The following TAOK2 variants were observed in gnomAD, a reference collection of about 807,000 sequenced individuals.
TAOK2 encodes the protein TAO kinase 2.
In TAOK2, 42 loss-of-function variants were observed where a neutral mutation model predicts 122.5. That is an observed-to-expected ratio of 0.34 (90% CI 0.27 to 0.44). The LOEUF is 0.44. TAOK2 is among the 20% of genes least tolerant of loss of function. TAOK2 has a pLI of 1.00. For synonymous variants in TAOK2, 704 were observed against 677.6 expected, an observed-to-expected ratio of 1.04 and a Z score of -0.61; for missense variants, 1,264 against 1,644.9, an observed-to-expected ratio of 0.77 and a Z score of 4.01.
Position 29,983,628 on chromosome 16 carries a change from C to A in TAOK2, c.1386C>A (p.Asn462Lys). 2 of 1,613,490 alleles carry A rather than the reference C, an allele frequency of 1.2e-6. No individual in the cohort carries two copies. Among genetic ancestry groups the A allele is most frequent in the Non-Finnish European group, 1.7e-6 (2 of 1,179,994 alleles). The change falls in exon 13 of 16, where the codon AAC (asparagine) becomes AAA (lysine). Residue 462 changes from asparagine to lysine, a missense_variant. Asn to Lys is a moderately conservative substitution (Grantham distance 94). Transcript: ENST00000308893. Reference protein sequence around the residue: ...SSARRRAYCRNRDHFATIRTA... With the variant: ...SSARRRAYCRKRDHFATIRTA... ...CCCGCCGCCGGGCCTACTGCCGTAA[C>A]CGAGACCACTTTGCCACCATCCGAA...
intron 1 of TAOK2, 52 bp from the exon 2 acceptor site, chr16:29,977,686 C>T: frequency 2.6e-6 from 4 of 1,525,836 alleles, no homozygotes; most frequent in Non-Finnish European, 3.5e-6. Flanking sequence ...GTCCCTTCCT[C>T]TCCCTGAAGG....
At position 29,978,330 on chromosome 16, in the gene TAOK2, T is replaced by G; in HGVS notation, c.283T>G (p.Tyr95Asp). ...CAACACCATTCAGTACCGGGGCTGTTACCTGAGGGAGCACACGGCTTGGGT... is the reference window on the plus strand; with the variant it reads ...CAACACCATTCAGTACCGGGGCTGTGACCTGAGGGAGCACACGGCTTGGGT... ...HPNTIQYRGC[Y>D]LREHTAWLVM... Residue 95 changes from tyrosine (Y) to aspartate (D), a missense_variant, in exon 4 of 16, where the codon TAC becomes GAC. Physicochemically the swap from Tyr to Asp is radical, Grantham distance 160. Transcript: ENST00000308893. 1 of 1,614,148 alleles carries G rather than the reference T, an allele frequency of 6.2e-7. No homozygotes were observed. The highest frequency in any genetic ancestry group is 8.5e-7 in the Non-Finnish European group (1 of 1,180,024).
intron 11 of TAOK2, 67 bp from the exon 12 acceptor site, chr16:29,983,005 T>C (rs749170149): frequency 6.2e-7 from 1 of 1,607,072 alleles, no homozygotes. Flanking sequence ...CATCTTCCCA[T>C]GCTACCTCCA....
Position 29,983,222 on chromosome 16 carries a change from G to C in TAOK2, c.1150G>C (p.Glu384Gln). The C allele has an allele frequency of 1.2e-6, 2 of 1,612,944 alleles. No homozygotes were observed. Among genetic ancestry groups the C allele is most frequent in the South Asian group, 2.2e-5 (2 of 91,064 alleles). Reference protein sequence around the residue: ...ASDNEEEEEEEEEEEEEEEGP... With the variant: ...ASDNEEEEEEQEEEEEEEEGP... ...AGACAACGAGGAAGAGGAGGAGGAG[G>C]AGGAGGAAGAGGAGGAGGAGGAAGA... is the stretch of plus-strand genomic sequence containing the variant. Residue 384 changes from glutamate to glutamine, a missense_variant, in exon 12 of 16, where the codon GAG (glutamate) becomes CAG (glutamine). This residue lies in a region of TAOK2 where 122 missense variants were observed against 116.7 expected (regional missense o/e 1.04). Transcript: ENST00000308893.
rs1306051542 is a variant in TAOK2 at position 29,978,095 on chromosome 16, G to A, written c.139G>A (p.Asp47Asn). ...GSFGAVYFAR[D>N]VRNSEVVAIK... ...TTCTGGTCTGGTCCTCTAGGCCCGGGATGTCCGGAATAGTGAGGTGGTGGC... is the reference window on the plus strand; with the variant it reads ...TTCTGGTCTGGTCCTCTAGGCCCGGAATGTCCGGAATAGTGAGGTGGTGGC... Residue 47 changes from aspartate (D) to asparagine (N), a missense_variant, in exon 3 of 16, where the codon GAT becomes AAT. This residue lies in a region of TAOK2 where 254 missense variants were observed against 503.8 expected (regional missense o/e 0.50). Coordinates refer to ENST00000308893, the MANE Select transcript of TAOK2 (RefSeq NM_016151.4). 1 of 1,614,146 alleles carries A rather than the reference G, an allele frequency of 6.2e-7. No individual in the cohort carries two copies. The highest frequency in any genetic ancestry group is 8.5e-7 in the Non-Finnish European group (1 of 1,180,020).
At position 29,987,919 on chromosome 16, in the gene TAOK2, G is replaced by A. The variant is rs758185749; in HGVS notation, c.3647G>A (p.Gly1216Glu). The A allele has an allele frequency of 6.4e-7, 1 of 1,571,146 alleles. No homozygotes were observed. The highest frequency in any genetic ancestry group is 1.2e-5 in the South Asian group (1 of 85,730). The change falls in exon 16 of 16, where the codon GGG becomes GAG. Residue 1216 changes from glycine (G) to glutamate (E), a missense_variant. Around this residue, in one of 4 missense-constraint regions of TAOK2, gnomAD observed 824 missense variants for 908.7 expected, o/e 0.91. Transcript: ENST00000308893. ...CCTGCCTCCCGCCAGCCACTGCCAG[G>A]GACTCTAGCCGGGCGGAGGTCACGC... ...GPPASRQPLP[G>E]TLAGRRSRTR...
chr16:29,979,724 C>T lies in TAOK2; in HGVS notation c.655+216C>T, dbSNP rs1049087910. Among the ~76,000 whole-genome samples, 2 of 152,126 alleles carry T rather than the reference C, an allele frequency of 1.3e-5. No homozygotes were observed. Among genetic ancestry groups the T allele is most frequent in the African/African-American group, 2.4e-5 (1 of 41,418 alleles). Reference sequence around the variant, plus strand: ...GCATTCATCTCTTCCTGTCCACTACCCTGGTTCTGAATCTTTTCTTAGTGC... The same window carrying T: ...GCATTCATCTCTTCCTGTCCACTACTCTGGTTCTGAATCTTTTCTTAGTGC... On this transcript the variant is annotated intron_variant, in intron 8 of 15. Transcript: ENST00000308893. The surrounding 1 kb of genome is among the most constrained non-coding windows in gnomAD (Gnocchi z 4.1).
chr16:29,989,622 C>G, downstream of TAOK2: 1 of 1,614,054 alleles, frequency 6.2e-7, no homozygotes, highest in Non-Finnish European at 8.5e-7. Flanking sequence ...AGAAGCAGTT[C>G]CAGGAGACGT....
rs1160241449 is a variant in TAOK2 at position 29,982,757 on chromosome 16, G to A, written c.855G>A (p.Arg285=). Residue 285 remains arginine (R), a synonymous_variant, in exon 11 of 16, where the codon CGG becomes CGA. Coordinates refer to ENST00000308893, the MANE Select transcript of TAOK2 (RefSeq NM_016151.4). ...AGCACCGCTTTGTGCTCCGGGAGCG[G>A]CCACCCACAGTCATCATGGACCTGA... ...LLKHRFVLRE[R]PPTVIMDLIQ... The A allele has an allele frequency of 3.1e-6, 5 of 1,613,724 alleles. No homozygotes were observed. In the South Asian group the frequency reaches 4.4e-5, roughly 14 times the overall value.
chr16:29,985,387 G>A lies in TAOK2; in HGVS notation c.1597G>A (p.Ala533Thr). ...RLQRELEAQR[A>T]GFGAEAEKLA... is the part of the protein sequence containing the mutation. ...GCAGCGGGAGCTTGAGGCGCAGCGG[G>A]CTGGCTTTGGGGCAGAGGCAGAAAA... The change falls in exon 14 of 16, where the codon GCT (alanine) becomes ACT (threonine). Residue 533 changes from alanine to threonine, a missense_variant. Physicochemically the swap from Ala to Thr is moderately conservative, Grantham distance 58. This residue lies in a region of TAOK2 where 64 missense variants were observed against 115.7 expected (regional missense o/e 0.55). Coordinates refer to ENST00000308893, the MANE Select transcript of TAOK2 (RefSeq NM_016151.4). This position sits in a 1 kb window ranked among gnomAD's most constrained non-coding sequence, Gnocchi z 6.9. 6.2e-7 allele frequency: 1 copy of A among 1,609,238 alleles called. No individual in the cohort carries two copies. The highest frequency in any genetic ancestry group is 8.5e-7 in the Non-Finnish European group (1 of 1,177,664).
At position 29,986,665 on chromosome 16, in the gene TAOK2, A is replaced by G. The variant is rs2069807856; in HGVS notation, c.2393A>G (p.Glu798Gly). Residue 798 changes from glutamate (E) to glycine (G), a missense_variant, in exon 16 of 16, where the codon GAG (glutamate) becomes GGG (glycine). Transcript: ENST00000308893. The surrounding 1 kb of genome is among the most constrained non-coding windows in gnomAD (Gnocchi z 4.2). ...MLGEEEEAVG[E>G]RRILGKEGAT... ...GGCGAGGAGGAGGAAGCAGTTGGAG[A>G]GAGAAGGATTCTGGGAAAGGAAGGG... 1.9e-6 allele frequency: 3 copies of G among 1,612,806 alleles called. No individual in the cohort carries two copies. In the East Asian group the frequency reaches 6.7e-5, roughly 36 times the overall value.
downstream of TAOK2, chr16:29,988,643 TG>T: frequency 1.0e-6 from 1 of 985,452 alleles, no homozygotes; most frequent in Non-Finnish European, 1.2e-6. Flanking sequence ...AGCGCCTGTT[TG>T]CGGGTTCCTT....
chr16:29,991,425 C>T, downstream of TAOK2: 1 of 1,531,484 alleles, frequency 6.5e-7, no homozygotes. This position sits in a 1 kb window ranked among gnomAD's most constrained non-coding sequence, Gnocchi z 5.6. Context: ...AAGAAACAGC[C>T]CCCAGCCCCT....
downstream of TAOK2, chr16:29,988,925 C>T (rs2069898654): frequency 1.0e-6 from 1 of 985,236 alleles, no homozygotes; most frequent in East Asian, 1.1e-4. Flanking sequence ...AGGGTGGTAG[C>T]TGCTGGCCGG....
chr16:29,989,839 G>A (rs1319975984), downstream of TAOK2: 2 of 1,605,100 alleles, frequency 1.2e-6, no homozygotes, highest in Non-Finnish European at 1.7e-6. Context: ...GAGTGCGCTA[G>A]AGGCCAGGCT....
At chr16:29,984,405 T>C (rs1381558664) in intron 13 of TAOK2, among the ~76,000 whole-genome samples, 1 of 152,168 alleles carries the variant, frequency 6.6e-6, no homozygotes, top group Non-Finnish European at 1.5e-5. Context: ...AAAACATAGT[T>C]TTTCATCTAT....
Position 29,985,840 on chromosome 16 carries a change from G to A in TAOK2, c.1971G>A (p.Leu657=). The change falls in exon 15 of 16, where the codon CTG becomes CTA. Residue 657 remains leucine (L), a synonymous_variant. Transcript: ENST00000308893. The surrounding 1 kb of genome is among the most constrained non-coding windows in gnomAD (Gnocchi z 6.9). The part of the protein sequence containing the change: ...KRKMLLARHS[L]DQDLLREDLN... ...AGATGTTGCTGGCTCGGCACAGCCT[G>A]GACCAGGACCTGCTGCGGGAGGTAG... The A allele has an allele frequency of 6.2e-7, 1 of 1,611,740 alleles. No homozygotes were observed. The highest frequency in any genetic ancestry group is 1.7e-5 in the Admixed American group (1 of 59,990).
At position 29,987,560 on chromosome 16, in the gene TAOK2, C is replaced by CGGAA; in HGVS notation, c.3288_3289insGGAA (p.Phe1097GlyfsTer41). The CGGAA allele has an allele frequency of 6.2e-7, 1 of 1,612,714 alleles. No homozygotes were observed. Among genetic ancestry groups the CGGAA allele is most frequent in the Non-Finnish European group, 8.5e-7 (1 of 1,179,152 alleles). On this transcript the variant is annotated frameshift_variant, in exon 16 of 16. Transcript: ENST00000308893. LOFTEE classifies it high-confidence loss of function. Reference sequence around the variant, plus strand: ...TTCTGCTGCGCCTGTCACCCATGGCCTTCCGGGCCCTGCAGGGCTGTGGGG... The same window carrying CGGAA: ...TTCTGCTGCGCCTGTCACCCATGGCCGGAATTCCGGGCCCTGCAGGGCTGTGGGG...
At chr16:29,991,022 C>CG, downstream of TAOK2, 1 of 1,583,238 alleles carries the variant, frequency 6.3e-7, no homozygotes, top group Non-Finnish European at 8.6e-7. The surrounding 1 kb of genome is among the most constrained non-coding windows in gnomAD (Gnocchi z 5.6). Flanking sequence ...GCCCCCGACT[C>CG]TAACCTCTGT....
Sources: gnomAD v4.1 joint callset for allele counts (sites outside exome capture counted in the v4.1 genomes callset) on GRCh38, gnomAD v4.1.1 for gene constraint, gnomAD v4.1.1 regional missense constraint, Gnocchi (gnomAD v3.1) non-coding constraint, MANE v1.5 for transcripts, NCBI Gene and HGNC (gene_info 2026-07-23, HGNC 2026-07-21) for gene names.